Variants in RIPPLY3 observed in about 807,000 individuals in gnomAD.
The protein encoded by RIPPLY3 is ripply transcriptional repressor 3, also known as protein ripply3.
Under a neutral mutation model 11.9 loss-of-function variants are expected in RIPPLY3, and 8 were observed. The observed-to-expected ratio is 0.67, with a 90% CI of 0.40 to 1.21. The LOEUF (loss-of-function observed/expected upper bound fraction) is 1.21. Ranked by LOEUF, RIPPLY3 falls within the 50% of genes most tolerant of loss-of-function variation. RIPPLY3 has a pLI of 0.01. For missense variants in RIPPLY3, 271 were observed against 246.0 expected (o/e 1.10, Z -0.68); for synonymous variants, 102 against 99.0 (o/e 1.03, Z -0.18).
Position 37,008,281 on chromosome 21 carries a change from T to G in RIPPLY3, c.171+58T>G, listed in dbSNP as rs1646379394. 5 of 1,578,776 alleles carry G rather than the reference T, an allele frequency of 3.2e-6. No individual in the cohort carries two copies. The Admixed American group carries it at 8.5e-5, about 27-fold the overall frequency. On this transcript the variant is annotated intron_variant, in intron 2 of 3. Transcript: ENST00000329553. ...TTCCAGCCAGAAAGTGGCATCGTCT[T>G]TTAAAATACAGGGACCGTGAATGGC... is the stretch of plus-strand genomic sequence containing the variant.
chr21:37,015,787 C>G lies in RIPPLY3; in HGVS notation c.240-2087C>G, dbSNP rs2069571774. On this transcript the variant is annotated intron_variant, in intron 3 of 3. Coordinates refer to ENST00000329553, the MANE Select transcript of RIPPLY3 (RefSeq NM_018962.3). ...AGGCTGGAGTGCAGTGGTGTCATCC[C>G]AGCTCACTGCAGCCTCCACCTCCCC... 2.0e-5 allele frequency among the ~76,000 whole-genome samples: 3 copies of G among 151,892 alleles called. No individual in the cohort carries two copies. In the East Asian group the frequency reaches 5.8e-4, roughly 29 times the overall value.
rs764702758 is a variant in RIPPLY3 at position 37,010,669 on chromosome 21, C to A, written c.171+2446C>A. On this transcript the variant is annotated intron_variant, in intron 2 of 3. Transcript: ENST00000329553. Reference sequence around the variant, plus strand: ...GTTGCGTTTCCCTCCTGGCCACTTGCGGGCACTGTCAGGGAGGCAGTTTCC... The same window carrying A: ...GTTGCGTTTCCCTCCTGGCCACTTGAGGGCACTGTCAGGGAGGCAGTTTCC... 3.3e-5 allele frequency among the ~76,000 whole-genome samples: 5 copies of A among 152,264 alleles called. No individual in the cohort carries two copies. In the East Asian group the frequency reaches 9.7e-4, roughly 30 times the overall value.
At position 37,013,594 on chromosome 21, in the gene RIPPLY3, C is replaced by A. The variant is rs1359098141; in HGVS notation, c.215C>A (p.Ala72Asp). Residue 72 changes from alanine (A) to aspartate (D), a missense_variant, in exon 3 of 4, where the codon GCC becomes GAC. Ala to Asp is a moderately radical substitution (Grantham distance 126, BLOSUM62 -2). Coordinates refer to ENST00000329553, the MANE Select transcript of RIPPLY3 (RefSeq NM_018962.3). ...CAACACACTTTTGGATCAAAGGGAG[C>A]CTTTGGGTTTCAGCATCCTGTAAGG... ...ADQHTFGSKG[A>D]FGFQHPVRVY... 2.5e-6 allele frequency: 4 copies of A among 1,613,548 alleles called. No individual in the cohort carries two copies. Among genetic ancestry groups the A allele is most frequent in the African/African-American group, 1.3e-5 (1 of 74,888 alleles).
intron 2 of RIPPLY3, among the ~76,000 whole-genome samples, chr21:37,012,055 G>A (rs2069528231): frequency 6.6e-6 from 1 of 151,168 alleles, no homozygotes; most frequent in African/African-American, 2.4e-5. Flanking sequence ...CCCAGCGTCC[G>A]TGCAGGATGG....
intron 3 of RIPPLY3, among the ~76,000 whole-genome samples, chr21:37,016,040 A>G (rs1345960415): frequency 6.6e-6 from 1 of 152,130 alleles, no homozygotes; most frequent in Admixed American, 6.6e-5. Flanking sequence ...CCAATCTCAG[A>G]CATGCTAGGA....
At chr21:37,013,726 T>A in intron 3 of RIPPLY3, 108 bp downstream of exon 3, 1 of 761,020 alleles carries the variant, frequency 1.3e-6, no homozygotes, top group Non-Finnish European at 2.2e-6. Context: ...GGAAAATAAT[T>A]CAATGTATTC....
At chr21:37,016,570 T>C (rs1483711860) in intron 3 of RIPPLY3, among the ~76,000 whole-genome samples, 2 of 152,104 alleles carry the variant, frequency 1.3e-5, no homozygotes, top group Admixed American at 6.5e-5. Flanking sequence ...TGGTGGCTCA[T>C]ACCTGTAATC....
intron 3 of RIPPLY3, among the ~76,000 whole-genome samples, chr21:37,016,514 A>G (rs1462277687): frequency 6.6e-6 from 1 of 152,200 alleles, no homozygotes; most frequent in Non-Finnish European, 1.5e-5. Flanking sequence ...AGAAGACCAC[A>G]GAGAAAAATG....
intron 2 of RIPPLY3, 60 bp downstream of exon 2, chr21:37,008,283 TA>T: frequency 6.4e-7 from 1 of 1,568,684 alleles, no homozygotes; most frequent in South Asian, 1.1e-5. Flanking sequence ...CATCGTCTTT[TA>T]AAATACAGGG....
intron 1 of RIPPLY3, 152 bp from the exon 2 acceptor site, chr21:37,008,005 A>G: frequency 1.6e-6 from 1 of 615,148 alleles, no homozygotes. Flanking sequence ...ACAGTAATTT[A>G]TCCACAGCCC....
At position 37,019,517 on chromosome 21, in the gene RIPPLY3, T is replaced by C. The variant is rs563684464; in HGVS notation, c.*1310T>C. 1 of 152,238 alleles carries C rather than the reference T, an allele frequency of 6.6e-6. No individual in the cohort carries two copies. Among genetic ancestry groups the C allele is most frequent in the South Asian group, 2.1e-4 (1 of 4,818 alleles). The allele number at this position is 152,238 out of a possible 1,614,324, so 9.4% of individuals were successfully genotyped here. A position where few individuals can be genotyped will look rare whatever the true frequency, so the allele number is the denominator to read the frequency against. Reference sequence around the variant, plus strand: ...CCATGAACACTATTTTTAATTAAAGTATCTGATGTAAAATTATTTTGAGTT... The same window carrying C: ...CCATGAACACTATTTTTAATTAAAGCATCTGATGTAAAATTATTTTGAGTT... On this transcript the variant is annotated 3_prime_UTR_variant, in exon 4 of 4. Coordinates refer to ENST00000329553, the MANE Select transcript of RIPPLY3 (RefSeq NM_018962.3).
chr21:37,007,900 T>G (rs973886696), intron 1 of RIPPLY3, among the ~76,000 whole-genome samples: 27 of 152,200 alleles, frequency 1.8e-4, no homozygotes, highest in Admixed American at 1.7e-3. Flanking sequence ...ACTAATGGGT[T>G]CCCTGATAAT....
intron 2 of RIPPLY3, 44 bp downstream of exon 2, chr21:37,008,267 A>C: frequency 1.2e-6 from 2 of 1,601,858 alleles, no homozygotes; most frequent in Non-Finnish European, 8.5e-7. Context: ...TCCAGCCAGA[A>C]AGTGGCATCG....
In RIPPLY3 at chr21:37,006,886, G is replaced by A. The variant is rs1018699306; in HGVS notation, c.104+10G>A. The stretch of plus-strand genomic sequence containing the variant: ...CGCGCGGGCCGGAGAGGTGAGGGTG[G>A]CCCCGCGCCCCGGTGGACGCGCTGA... On this transcript the variant is annotated intron_variant, in intron 1 of 3. Transcript: ENST00000329553. This position sits in a 1 kb window ranked among gnomAD's most constrained non-coding sequence, Gnocchi z 5.2. The A allele has an allele frequency of 6.6e-6, 8 of 1,208,384 alleles. No homozygotes were observed. In the East Asian group the frequency reaches 2.3e-4, roughly 35 times the overall value. 74.9% of individuals were successfully genotyped at this position (1,208,384 alleles called of 1,614,324 possible). A position where few individuals can be genotyped will look rare whatever the true frequency, so the allele number is the denominator to read the frequency against.
chr21:37,013,379 G>T (rs990028953), intron 2 of RIPPLY3, among the ~76,000 whole-genome samples, 172 bp from the exon 3 acceptor site: 1 of 152,142 alleles, frequency 6.6e-6, no homozygotes. Flanking sequence ...ATTTTGGGCC[G>T]CGGTAACAGG....
At chr21:37,008,756 CAA>C (rs71198845) in intron 2 of RIPPLY3, among the ~76,000 whole-genome samples, 267 of 81,600 alleles carry the variant, frequency 3.3e-3, no homozygotes, top group East Asian at 8.8e-3. Context: ...AGACTCATCT[CAA>C]AAAAAAAAAA....
Position 37,018,191 on chromosome 21 carries a change from G to A in RIPPLY3, c.557G>A (p.Cys186Tyr), listed in dbSNP as rs1460622699. ...GGTGTCTCCTCAAGGGGTGGCAAGTGCTCCTCATCCAAATGAATCAGTCTC... is the reference window on the plus strand; with the variant it reads ...GGTGTCTCCTCAAGGGGTGGCAAGTACTCCTCATCCAAATGAATCAGTCTC... Reference protein sequence around the residue: ...PQGVSSRGGKCSSSK With the variant: ...PQGVSSRGGKYSSSK Residue 186 changes from cysteine (C) to tyrosine (Y), a missense_variant, in exon 4 of 4, where the codon TGC (cysteine) becomes TAC (tyrosine). Physicochemically the swap from Cys to Tyr is radical, Grantham distance 194. Coordinates refer to ENST00000329553, the MANE Select transcript of RIPPLY3 (RefSeq NM_018962.3). 6.2e-7 allele frequency: 1 copy of A among 1,613,276 alleles called. No individual in the cohort carries two copies. Among genetic ancestry groups the A allele is most frequent in the South Asian group, 1.1e-5 (1 of 91,064 alleles).
chr21:37,009,234 A>ATT (rs5843784), intron 2 of RIPPLY3, among the ~76,000 whole-genome samples: 5,415 of 147,812 alleles, frequency 0.037, 186 homozygotes, highest in African/African-American at 0.097. Flanking sequence ...CTTTTACTTA[A>ATT]TTTTTTTTTT....
At chr21:37,006,675 A>T, upstream of RIPPLY3, 1 of 794,436 alleles carries the variant, frequency 1.3e-6, no homozygotes, top group Non-Finnish European at 1.7e-6. This position sits in a 1 kb window ranked among gnomAD's most constrained non-coding sequence, Gnocchi z 5.2. Context: ...CCCCGTTTTT[A>T]AACCTGGCGC....
Sources: allele counts gnomAD v4.1 joint callset (sites outside exome capture counted in the v4.1 genomes callset), GRCh38; gene constraint gnomAD v4.1.1; non-coding constraint Gnocchi (gnomAD v3.1); transcripts MANE v1.5; gene names NCBI Gene and HGNC (gene_info 2026-07-23, HGNC 2026-07-21).